RAD51B: variants seen among roughly 807,000 people sequenced by gnomAD.
RAD51B encodes DNA repair protein RAD51 homolog 2.
RAD51B carries 38 observed loss-of-function variants against 42.2 expected under a neutral mutation model. That is an observed-to-expected ratio of 0.90 (90% CI 0.70 to 1.18). The LOEUF (loss-of-function observed/expected upper bound fraction) is 1.18. Among genes scored for constraint, RAD51B ranks in the 50% most tolerant of loss-of-function variants. The pLI is 0.00. For synonymous variants in RAD51B, 154 were observed against 145.2 expected (o/e 1.06, Z -0.43); for missense variants, 373 against 400.7 (o/e 0.93, Z 0.59).
intron 10 of RAD51B, among the ~76,000 whole-genome samples, chr14:68,620,295 G>A (rs1204846016): frequency 1.3e-5 from 2 of 152,166 alleles, no homozygotes; most frequent in Admixed American, 6.5e-5. Flanking sequence ...GTCAGCAGAC[G>A]CCTGAGATAG....
intron 7 of RAD51B, among the ~76,000 whole-genome samples, chr14:68,046,330 T>C (rs2076299211): frequency 6.6e-6 from 1 of 152,208 alleles, no homozygotes; most frequent in Non-Finnish European, 1.5e-5. Context: ...TTGCCCAAGC[T>C]GATCTTGAAC....
chr14:68,252,452 C>T (rs2080654736), intron 7 of RAD51B, among the ~76,000 whole-genome samples: 1 of 152,226 alleles, frequency 6.6e-6, no homozygotes, highest in Admixed American at 6.5e-5. Flanking sequence ...CCAAGCCTTA[C>T]TTTATTCCCT....
intron 7 of RAD51B, among the ~76,000 whole-genome samples, chr14:67,918,530 C>A (rs1318691606): frequency 3.3e-5 from 5 of 152,176 alleles, no homozygotes; most frequent in Admixed American, 3.3e-4. Context: ...CCACTGTGCT[C>A]AGCTAAGGGA....
At chr14:68,048,066 A>G (rs2140412265) in intron 7 of RAD51B, among the ~76,000 whole-genome samples, 1 of 152,340 alleles carries the variant, frequency 6.6e-6, no homozygotes, top group East Asian at 1.9e-4. Flanking sequence ...AATGAAATAC[A>G]CTGGGGAGTA....
intron 10 of RAD51B, among the ~76,000 whole-genome samples, chr14:68,525,273 A>G (rs1008021712): frequency 3.3e-5 from 5 of 152,274 alleles, no homozygotes; most frequent in African/African-American, 9.6e-5. Flanking sequence ...GCCTCTAGAA[A>G]GGAACATCGC....
At chr14:68,628,829 G>C (rs1892157410) in intron 10 of RAD51B, among the ~76,000 whole-genome samples, 1 of 152,178 alleles carries the variant, frequency 6.6e-6, no homozygotes, top group South Asian at 2.1e-4. Context: ...TGAGGTTTCG[G>C]CTGAGCCCCC....
intron 11 of RAD51B, among the ~76,000 whole-genome samples, chr14:68,661,919 C>T: frequency 6.6e-6 from 1 of 152,220 alleles, no homozygotes; most frequent in East Asian, 1.9e-4. Context: ...AACATGACTA[C>T]CTTCCAGACA....
chr14:68,039,560 A>G (rs1271852590), intron 7 of RAD51B, among the ~76,000 whole-genome samples: 2 of 152,220 alleles, frequency 1.3e-5, no homozygotes, highest in Non-Finnish European at 2.9e-5. Flanking sequence ...GAAGTGGTTC[A>G]CGTCACAGAC....
chr14:68,632,119 C>G lies in RAD51B; in HGVS notation c.1037-18662C>G, dbSNP rs146524308. Among the ~76,000 whole-genome samples the G allele has an allele frequency of 1.2e-3, 186 of 152,306 alleles. 2 individuals are homozygous for G. In the East Asian group the frequency reaches 0.031, roughly 25 times the overall value. On this transcript the variant is annotated intron_variant, in intron 10 of 11. Transcript: ENST00000488612. ...CCTCTGAGACACCAAGAAACTCTTT[C>G]TTTCTTCTCCAGAAGCCAAACCATT...
chr14:67,887,998 A>G (rs1208354388), intron 7 of RAD51B, among the ~76,000 whole-genome samples: 2 of 152,220 alleles, frequency 1.3e-5, no homozygotes, highest in Non-Finnish European at 2.9e-5. Context: ...TTAAACTGAG[A>G]TAAAATTTGG....
intron 7 of RAD51B, among the ~76,000 whole-genome samples, chr14:68,174,675 A>G (rs1454240934): frequency 6.6e-6 from 1 of 152,134 alleles, no homozygotes; most frequent in Non-Finnish European, 1.5e-5. Context: ...TTAATGACTA[A>G]AATTCTCTGC....
chr14:68,605,304 A>G (rs1214924811), intron 10 of RAD51B, among the ~76,000 whole-genome samples: 5 of 152,136 alleles, frequency 3.3e-5, no homozygotes, highest in Non-Finnish European at 5.9e-5. Context: ...ATAGCACTCA[A>G]ACATAAATTT....
intron 7 of RAD51B, among the ~76,000 whole-genome samples, chr14:67,905,650 A>G (rs1281626931): frequency 6.6e-6 from 1 of 151,948 alleles, no homozygotes; most frequent in African/African-American, 2.4e-5. Context: ...CTGTGTTCCT[A>G]GGTACTTTTT....
intron 7 of RAD51B, among the ~76,000 whole-genome samples, chr14:68,115,645 G>A (rs1481841506): frequency 6.6e-6 from 1 of 151,628 alleles, no homozygotes; most frequent in Non-Finnish European, 1.5e-5. Context: ...AAGTCAAACT[G>A]CTTTTATGAT....
intron 7 of RAD51B, among the ~76,000 whole-genome samples, chr14:67,900,915 T>C (rs530281914): frequency 6.6e-6 from 1 of 152,268 alleles, no homozygotes; most frequent in East Asian, 1.9e-4. Flanking sequence ...CTGCTAACCT[T>C]GTGTTGGAGT....
intron 7 of RAD51B, among the ~76,000 whole-genome samples, chr14:67,936,358 T>C (rs2044949838): frequency 6.6e-6 from 1 of 152,228 alleles, no homozygotes; most frequent in African/African-American, 2.4e-5. Flanking sequence ...GTGTGTTCTT[T>C]TGTGACTGGC....
intron 7 of RAD51B, among the ~76,000 whole-genome samples, chr14:68,263,091 T>G (rs888130737): frequency 3.3e-5 from 5 of 152,196 alleles, no homozygotes; most frequent in African/African-American, 1.2e-4. Context: ...AGCAAGTCTT[T>G]TAGCCTCAGT....
intron 7 of RAD51B, among the ~76,000 whole-genome samples, chr14:68,056,833 C>T (rs2076483909): frequency 6.6e-6 from 1 of 152,054 alleles, no homozygotes; most frequent in East Asian, 1.9e-4. Flanking sequence ...AATCCCAACA[C>T]TTTGGGAAGC....
chr14:68,485,837 T>A (rs116956027), intron 10 of RAD51B, among the ~76,000 whole-genome samples: 1,663 of 152,356 alleles, frequency 0.011, 13 homozygotes, highest in South Asian at 0.019. Flanking sequence ...AAGCTCTTTA[T>A]TGGAAGTTAT....
Sources: allele counts gnomAD v4.1 joint callset (sites outside exome capture counted in the v4.1 genomes callset), GRCh38; gene constraint gnomAD v4.1.1; transcripts MANE v1.5; gene names NCBI Gene and HGNC (gene_info 2026-07-23, HGNC 2026-07-21).